The following OR6K3 variants were observed in gnomAD, a reference collection of about 807,000 sequenced individuals.
OR6K3 encodes the protein olfactory receptor 6K3.
For missense variants in OR6K3, 396 were observed against 382.5 expected (o/e 1.04, Z -0.29); for synonymous variants, 169 against 137.7 (o/e 1.23, Z -1.59).
rs1656186479 is a variant in OR6K3 at position 158,717,669 on chromosome 1, G to A, written c.447C>T (p.Cys149=). The change falls in exon 2 of 2, where the codon TGC becomes TGT. Residue 149 remains cysteine (C), a synonymous_variant. Transcript: ENST00000368145. The stretch of plus-strand genomic sequence containing the variant: ...GAAGCAGGATAAGGAAACCGAAGAG[G>A]CAGGAACCTGCAGAGAGTTGAGCAC... ...RLCAQLSAGS[C]LFGFLILLPE... 3 of 1,613,800 alleles carry A rather than the reference G, an allele frequency of 1.9e-6. No individual in the cohort carries two copies. The highest frequency in any genetic ancestry group is 1.7e-5 in the Admixed American group (1 of 59,968).
chr1:158,721,999 CTTAGAG>C (rs1033502867), upstream of OR6K3, among the ~76,000 whole-genome samples: 6 of 151,834 alleles, frequency 4.0e-5, no homozygotes, highest in Admixed American at 1.3e-4. Context: ...TGATTTGTGT[CTTAGAG>C]TTAGTCTATG....
In OR6K3 at chr1:158,717,562, A is replaced by G; in HGVS notation, c.554T>C (p.Leu185Pro). 1 of 1,613,856 alleles carries G rather than the reference A, an allele frequency of 6.2e-7. No individual in the cohort carries two copies. Among genetic ancestry groups the G allele is most frequent in the Non-Finnish European group, 8.5e-7 (1 of 1,179,840 alleles). ...HQIFCDLVPVLSLACTDTSMI... is the reference protein window; with the variant it reads ...HQIFCDLVPVPSLACTDTSMI... The stretch of plus-strand genomic sequence containing the variant: ...GGACGTGTCTGTACAGGCCAGGCTT[A>G]GCACAGGGACCAAGTCACAGAAGAT... The change falls in exon 2 of 2, where the codon CTA becomes CCA. Residue 185 changes from leucine to proline, a missense_variant. Transcript: ENST00000368145.
chr1:158,723,574 A>G (rs556572135), upstream of OR6K3, among the ~76,000 whole-genome samples: 3 of 152,202 alleles, frequency 2.0e-5, no homozygotes, highest in South Asian at 4.1e-4. Flanking sequence ...CTGCACTTGC[A>G]TGGAGTAAGT....
chr1:158,721,029 T>C (rs531901994), upstream of OR6K3, among the ~76,000 whole-genome samples: 127 of 152,128 alleles, frequency 8.3e-4, no homozygotes, highest in Non-Finnish European at 1.5e-3. Flanking sequence ...TGTTCTTGAG[T>C]GTACCAGTGT....
Position 158,717,624 on chromosome 1 carries a change from G to T in OR6K3, c.492C>A (p.Ser164=). The T allele has an allele frequency of 2.5e-6, 4 of 1,613,812 alleles. No homozygotes were observed. The highest frequency in any genetic ancestry group is 3.4e-6 in the Non-Finnish European group (4 of 1,179,848). The part of the protein sequence containing the change: ...LILLPEIVMI[S]TLPFCGPNQI... The stretch of plus-strand genomic sequence containing the variant: ...GGTTGGGCCCACAGAAAGGCAGTGT[G>T]GAAATCATCACAATCTCGGGAAGCA... The change falls in exon 2 of 2, where the codon TCC becomes TCA. Residue 164 remains serine, a synonymous_variant. Transcript: ENST00000368145.
chr1:158,718,070 C>T lies in OR6K3; in HGVS notation c.46G>A (p.Gly16Arg), dbSNP rs1363691641. The T allele has an allele frequency of 3.7e-6, 6 of 1,612,866 alleles. No homozygotes were observed. In the South Asian group the frequency reaches 6.6e-5, roughly 18 times the overall value. ...QSTVTEFIFTGFPQLQDGSLL... is the reference protein window; with the variant it reads ...QSTVTEFIFTRFPQLQDGSLL... The stretch of plus-strand genomic sequence containing the variant: ...CTACCATCCTGAAGCTGAGGGAATC[C>T]AGTGAAGATAAATTCAGTCACTGTT... Residue 16 changes from glycine (G) to arginine (R), a missense_variant, in exon 2 of 2, where the codon GGA becomes AGA. Coordinates refer to ENST00000368145, the MANE Select transcript of OR6K3 (RefSeq NM_001005327.3).
At position 158,717,976 on chromosome 1, in the gene OR6K3, G is replaced by A. The variant is rs962843131; in HGVS notation, c.140C>T (p.Ser47Phe). ...FIIIDNLLIF[S>F]AVRLDTHLHN... is the part of the protein sequence containing the mutation. ...GAGATGGGTGTCCAGCCTTACAGCAGAGAAGATTAATAAGTTATCAATGAT... is the reference window on the plus strand; with the variant it reads ...GAGATGGGTGTCCAGCCTTACAGCAAAGAAGATTAATAAGTTATCAATGAT... Residue 47 changes from serine to phenylalanine, a missense_variant, in exon 2 of 2, where the codon TCT (serine) becomes TTT (phenylalanine). Physicochemically the swap from Ser to Phe is radical, Grantham distance 155 (BLOSUM62 -2). Coordinates refer to ENST00000368145, the MANE Select transcript of OR6K3 (RefSeq NM_001005327.3). The A allele has an allele frequency of 1.9e-6, 3 of 1,613,210 alleles. No homozygotes were observed. Among genetic ancestry groups the A allele is most frequent in the East Asian group, 4.5e-5 (2 of 44,804 alleles).
Position 158,717,734 on chromosome 1 carries a change from T to G in OR6K3, c.382A>C (p.Asn128His). ...ATGATCATTTGATAGCGAAGAGGGT[T>G]GCAGATGGCAACGTATCTGTCAATG... Reference protein sequence around the residue: ...MAIDRYVAICNPLRYQMIMTP... With the variant: ...MAIDRYVAICHPLRYQMIMTP... The change falls in exon 2 of 2, where the codon AAC (asparagine) becomes CAC (histidine). Residue 128 changes from asparagine to histidine, a missense_variant. Transcript: ENST00000368145. 1.9e-6 allele frequency: 3 copies of G among 1,613,766 alleles called. No individual in the cohort carries two copies. The highest frequency in any genetic ancestry group is 1.3e-5 in the African/African-American group (1 of 74,984).
In OR6K3 at chr1:158,717,996, A is replaced by G. The variant is rs746672452; in HGVS notation, c.120T>C (p.Ile40=). ...CAGCAGAGAAGATTAATAAGTTATC[A>G]ATGATAATAAAAGTATAGATGAAAA... ...PLLFIYTFII[I]DNLLIFSAVR... Residue 40 remains isoleucine, a synonymous_variant, in exon 2 of 2, where the codon ATT becomes ATC. Transcript: ENST00000368145. 1 of 1,612,582 alleles carries G rather than the reference A, an allele frequency of 6.2e-7. No homozygotes were observed. Among genetic ancestry groups the G allele is most frequent in the East Asian group, 2.2e-5 (1 of 44,770 alleles).
chr1:158,722,192 GTGT>G (rs1370112080), upstream of OR6K3, among the ~76,000 whole-genome samples: 4 of 152,104 alleles, frequency 2.6e-5, no homozygotes, highest in African/African-American at 9.6e-5. Flanking sequence ...AAGGCAATCT[GTGT>G]TTGTCTGTGT....
chr1:158,717,906 C>A lies in OR6K3; in HGVS notation c.210G>T (p.Glu70Asp), dbSNP rs1427638497. Residue 70 changes from glutamate (E) to aspartate (D), a missense_variant, in exon 2 of 2, where the codon GAG (glutamate) becomes GAT (aspartate). By Grantham distance (45) the Glu-to-Asp change is conservative. Transcript: ENST00000368145. ...GAATGGTGGCTGTGGTGTACCAGAT[C>A]TCCAGAAAGGAAAATATACTGATAA... ...YNFISIFSFL[E>D]IWYTTATIPK... 4 of 1,613,664 alleles carry A rather than the reference C, an allele frequency of 2.5e-6. No homozygotes were observed.
chr1:158,717,363 A>C lies in OR6K3; in HGVS notation c.753T>G (p.Phe251Leu). ...GCAAGTACATGAGTGATACACTGCCAAAGAATATCGGGAAGACCATGAGGT... is the reference window on the plus strand; with the variant it reads ...GCAAGTACATGAGTGATACACTGCCCAAGAATATCGGGAAGACCATGAGGT... ...AGHLMVFPIFFGSVSLMYLRF... is the reference protein window; with the variant it reads ...AGHLMVFPIFLGSVSLMYLRF... The change falls in exon 2 of 2, where the codon TTT (phenylalanine) becomes TTG (leucine). Residue 251 changes from phenylalanine (F) to leucine (L), a missense_variant. Coordinates refer to ENST00000368145, the MANE Select transcript of OR6K3 (RefSeq NM_001005327.3). 6.2e-7 allele frequency: 1 copy of C among 1,613,798 alleles called. No individual in the cohort carries two copies. The highest frequency in any genetic ancestry group is 8.5e-7 in the Non-Finnish European group (1 of 1,179,802).
In OR6K3 at chr1:158,717,570, G is replaced by T. The variant is rs769615731; in HGVS notation, c.546C>A (p.Val182=). The T allele has an allele frequency of 5.6e-6, 9 of 1,613,630 alleles. No homozygotes were observed. The Admixed American group carries it at 1.0e-4, about 18-fold the overall frequency. Residue 182 remains valine, a synonymous_variant, in exon 2 of 2, where the codon GTC becomes GTA. Transcript: ENST00000368145. The part of the protein sequence containing the change: ...NQIHQIFCDL[V]PVLSLACTDT... ...CTGTACAGGCCAGGCTTAGCACAGG[G>T]ACCAAGTCACAGAAGATCTGATGGA...
In OR6K3 at chr1:158,717,655, A is replaced by G; in HGVS notation, c.461T>C (p.Leu154Pro). ...CATCACAATCTCGGGAAGCAGGATA[A>G]GGAAACCGAAGAGGCAGGAACCTGC... ...LSAGSCLFGF[L>P]ILLPEIVMIS... is the part of the protein sequence containing the mutation. The change falls in exon 2 of 2, where the codon CTT becomes CCT. Residue 154 changes from leucine (L) to proline (P), a missense_variant. Coordinates refer to ENST00000368145, the MANE Select transcript of OR6K3 (RefSeq NM_001005327.3). 1 of 1,613,838 alleles carries G rather than the reference A, an allele frequency of 6.2e-7. No homozygotes were observed. The highest frequency in any genetic ancestry group is 1.1e-5 in the South Asian group (1 of 91,078).
In OR6K3 at chr1:158,717,419, T is replaced by G; in HGVS notation, c.697A>C (p.Arg233=). Reference sequence around the variant, plus strand: ...GCACAGGTAGAAAAAGCCTTTTGCCTCCCTTCAGAAGAGGGAATCCTCAAT... The same window carrying G: ...GCACAGGTAGAAAAAGCCTTTTGCCGCCCTTCAGAAGAGGGAATCCTCAAT... ...VILRIPSSEG[R]QKAFSTCAGH... is the part of the protein sequence containing the mutation. The change falls in exon 2 of 2, where the codon AGG becomes CGG. Residue 233 remains arginine, a synonymous_variant. Transcript: ENST00000368145. 6.2e-7 allele frequency: 1 copy of G among 1,613,662 alleles called. No homozygotes were observed. Among genetic ancestry groups the G allele is most frequent in the Non-Finnish European group, 8.5e-7 (1 of 1,179,776 alleles).
chr1:158,720,918 T>C (rs1193630473), upstream of OR6K3, among the ~76,000 whole-genome samples: 1 of 152,000 alleles, frequency 6.6e-6, no homozygotes, highest in Non-Finnish European at 1.5e-5. Context: ...TGTTAGATTT[T>C]CAGATCGAAG....
chr1:158,723,227 G>GTCTATCTATCTATCTA (rs58740771), upstream of OR6K3, among the ~76,000 whole-genome samples: 3,427 of 150,308 alleles, frequency 0.023, 43 homozygotes, highest in Non-Finnish European at 0.03. Flanking sequence ...TTACCTATCT[G>GTCTATCTATCTATCTA]TCTATCTATC....
rs1656194671 is a variant in OR6K3, at chr1:158,717,780, C to A, written c.336G>T (p.Gly112=). The change falls in exon 2 of 2, where the codon GGG becomes GGT. Residue 112 remains glycine, a synonymous_variant. Transcript: ENST00000368145. The stretch of plus-strand genomic sequence containing the variant: ...CAATGGCCATGGTGGTCAGCAAGAT[C>A]CCCTCTGAGTTTTCAAGTGAGTGGA... ...YFFHSLENSE[G]ILLTTMAIDR... is the part of the protein sequence containing the mutation. The A allele has an allele frequency of 9.9e-6, 16 of 1,613,784 alleles. No homozygotes were observed. The highest frequency in any genetic ancestry group is 1.3e-5 in the Non-Finnish European group (15 of 1,179,822).
intron 1 of OR6K3, among the ~76,000 whole-genome samples, chr1:158,718,357 GA>G (rs796233250): frequency 0.025 from 3,609 of 144,344 alleles, 126 homozygotes; most frequent in African/African-American, 0.08. Context: ...TTTAAAGTCA[GA>G]AAAAAAAATG....
Sources: gnomAD v4.1 joint callset for allele counts (sites outside exome capture counted in the v4.1 genomes callset) on GRCh38, gnomAD v4.1.1 for gene constraint, MANE v1.5 for transcripts, NCBI Gene and HGNC (gene_info 2026-07-23, HGNC 2026-07-21) for gene names.